BICC1: variants seen among roughly 807,000 people sequenced by gnomAD.
BICC1 encodes protein bicaudal C homolog 1.
A neutral mutation model predicts 111.0 loss-of-function variants in BICC1; 43 were observed. The ratio of observed to expected loss-of-function variants is 0.39; its 90% CI spans 0.30 to 0.50. The LOEUF is 0.50. Among genes scored for constraint, BICC1 ranks in the 20% least tolerant of loss-of-function variants. The pLI is 0.88. For missense variants in BICC1, 1,091 were observed against 1,203.2 expected, an observed-to-expected ratio of 0.91 and a Z score of 1.38; for synonymous variants, 467 against 434.4, an observed-to-expected ratio of 1.07 and a Z score of -0.93.
Position 58,520,186 on chromosome 10 carries a change from G to A in BICC1, c.190+6853G>A, listed in dbSNP as rs530223397. 3.3e-4 allele frequency among the ~76,000 whole-genome samples: 50 copies of A among 152,268 alleles called. No individual in the cohort carries two copies. The South Asian group carries it at 9.3e-3, about 28-fold the overall frequency. ...CATTCTTAGTTCGTTTTAAGATACT[G>A]TTCTTACTTAAAAAATACATAGGGT... On this transcript the variant is annotated intron_variant, in intron 1 of 20. Coordinates refer to ENST00000373886, the MANE Select transcript of BICC1 (RefSeq NM_001080512.3).
intron 1 of BICC1, among the ~76,000 whole-genome samples, chr10:58,568,187 G>C (rs1843830196): frequency 6.6e-6 from 1 of 152,086 alleles, no homozygotes; most frequent in Non-Finnish European, 1.5e-5. Context: ...GAGATACAGA[G>C]GTCTTGAGCA....
At chr10:58,619,727 C>A (rs764215968) in intron 1 of BICC1, among the ~76,000 whole-genome samples, 24 of 152,124 alleles carry the variant, frequency 1.6e-4, no homozygotes, top group Non-Finnish European at 3.5e-4. Context: ...TCTGCCTCGG[C>A]CTCCCAAGTT....
chr10:58,743,961 A>G (rs565145132), intron 3 of BICC1, among the ~76,000 whole-genome samples: 3 of 152,248 alleles, frequency 2.0e-5, no homozygotes, highest in Admixed American at 6.5e-5. Context: ...TTAAGCAGGT[A>G]TCGAGTATCA....
At chr10:58,691,881 A>G (rs928814158) in intron 2 of BICC1, among the ~76,000 whole-genome samples, 7 of 152,178 alleles carry the variant, frequency 4.6e-5, no homozygotes, top group Non-Finnish European at 8.8e-5. Flanking sequence ...CATCTAATAA[A>G]TATTCACTTA....
At chr10:58,812,488 T>TA (rs1397292456) in intron 17 of BICC1, among the ~76,000 whole-genome samples, 2 of 151,604 alleles carry the variant, frequency 1.3e-5, no homozygotes, top group African/African-American at 2.4e-5. Flanking sequence ...TTTTCTTTTT[T>TA]TTTTTTTTGA....
chr10:58,772,303 A>C (rs942415752), intron 3 of BICC1, among the ~76,000 whole-genome samples: 1 of 152,168 alleles, frequency 6.6e-6, no homozygotes, highest in African/African-American at 2.4e-5. Flanking sequence ...AAAGAGCAAG[A>C]GTTAAACAAC....
At chr10:58,568,274 C>CT (rs1843833181) in intron 1 of BICC1, among the ~76,000 whole-genome samples, 1 of 152,106 alleles carries the variant, frequency 6.6e-6, no homozygotes, top group Admixed American at 6.6e-5. Context: ...TGGTGACATC[C>CT]TTGTTACTTT....
chr10:58,612,501 A>G (rs1457219878), intron 1 of BICC1, among the ~76,000 whole-genome samples: 4 of 151,994 alleles, frequency 2.6e-5, no homozygotes, highest in African/African-American at 7.3e-5. Flanking sequence ...TGTGTAAAAT[A>G]TTTTTGCACA....
intron 2 of BICC1, among the ~76,000 whole-genome samples, chr10:58,638,571 G>A (rs1838020196): frequency 6.6e-6 from 1 of 152,178 alleles, no homozygotes; most frequent in African/African-American, 2.4e-5. Flanking sequence ...GTCACCCAGA[G>A]TTCACAGACT....
intron 1 of BICC1, among the ~76,000 whole-genome samples, chr10:58,593,810 CT>C (rs1326394430): frequency 1.3e-5 from 2 of 152,062 alleles, no homozygotes; most frequent in East Asian, 3.9e-4. Context: ...ACCAGAACGC[CT>C]CTTCTCCTCC....
chr10:58,611,389 A>T (rs1845413007), intron 1 of BICC1, among the ~76,000 whole-genome samples: 1 of 151,892 alleles, frequency 6.6e-6, no homozygotes, highest in Non-Finnish European at 1.5e-5. Context: ...ATCTAAATAC[A>T]TGTTTGTTTA....
intron 9 of BICC1, 126 bp downstream of exon 9, chr10:58,793,741 A>C: frequency 3.0e-6 from 3 of 1,010,296 alleles, no homozygotes; most frequent in Admixed American, 3.0e-5. Context: ...AATATCCCCA[A>C]TCCGGAATGC....
At chr10:58,798,709 T>C in intron 11 of BICC1, 149 bp downstream of exon 11, 2 of 747,542 alleles carry the variant, frequency 2.7e-6, no homozygotes, top group Non-Finnish European at 4.0e-6. Context: ...ATATGTAAAT[T>C]AGTTAAAATG....
chr10:58,829,892 G>A lies in BICC1; in HGVS notation c.*1001G>A, dbSNP rs530111993. ...TAGAGATTTATGGTAGAGAATGGAC[G>A]ACATTCAATAACTGGAGCCCGAGAT... On this transcript the variant is annotated 3_prime_UTR_variant, in exon 21 of 21. Transcript: ENST00000373886. 10 of 152,246 alleles carry A rather than the reference G, an allele frequency of 6.6e-5. No individual in the cohort carries two copies. The South Asian group carries it at 1.9e-3, about 28-fold the overall frequency. The allele number at this position is 152,246 out of a possible 1,614,324, so 9.4% of individuals were successfully genotyped here.
chr10:58,752,942 G>C (rs1842031156), intron 3 of BICC1, among the ~76,000 whole-genome samples: 1 of 152,050 alleles, frequency 6.6e-6, no homozygotes, highest in African/African-American at 2.4e-5. Flanking sequence ...CTAGAGAGCT[G>C]TGCTGGCTTT....
intron 1 of BICC1, among the ~76,000 whole-genome samples, chr10:58,519,023 CAGAGTGG>C (rs1483529975): frequency 1.3e-5 from 2 of 152,180 alleles, no homozygotes; most frequent in South Asian, 4.1e-4. Flanking sequence ...AAACCTGACA[CAGAGTGG>C]CTTAAACAAG....
intron 1 of BICC1, among the ~76,000 whole-genome samples, chr10:58,611,332 T>G (rs983794029): frequency 6.6e-6 from 1 of 152,214 alleles, no homozygotes; most frequent in African/African-American, 2.4e-5. Flanking sequence ...TATTTTGGTA[T>G]TTATCCTTTC....
chr10:58,809,224 C>T (rs934488924), intron 17 of BICC1, among the ~76,000 whole-genome samples: 2 of 151,352 alleles, frequency 1.3e-5, no homozygotes, highest in Admixed American at 6.6e-5. Context: ...TTAGTAGACA[C>T]AGGGTTTCAC....
At chr10:58,657,386 G>C (rs1838693046) in intron 2 of BICC1, among the ~76,000 whole-genome samples, 1 of 152,018 alleles carries the variant, frequency 6.6e-6, no homozygotes, top group African/African-American at 2.4e-5. Flanking sequence ...TTGCTTTTTT[G>C]TATGTTCCTG....
Sources: allele counts gnomAD v4.1 joint callset (sites outside exome capture counted in the v4.1 genomes callset), GRCh38; gene constraint gnomAD v4.1.1; transcripts MANE v1.5; gene names NCBI Gene and HGNC (gene_info 2026-07-23, HGNC 2026-07-21).